The following DNAH17 variants were observed in gnomAD, a reference collection of about 807,000 sequenced individuals.
DNAH17 encodes the protein axonemal beta dynein heavy chain 17.
DNAH17 carries 376 observed loss-of-function variants against 485.6 expected under a neutral mutation model. The ratio of observed to expected loss-of-function variants is 0.77; its 90% CI spans 0.71 to 0.84. The LOEUF is 0.84. DNAH17 is among the 40% of genes least tolerant of loss of function. The pLI, the probability that DNAH17 is intolerant of heterozygous loss-of-function variation, is 0.00. For missense variants in DNAH17, 6,370 were observed against 5,839.3 expected (o/e 1.09, Z -2.96); for synonymous variants, 3,031 against 2,405.9 (o/e 1.26, Z -7.60).
rs1325202317 is a variant in DNAH17 at position 78,461,616 on chromosome 17, G to A, written c.9267C>T (p.Ile3089=). The A allele has an allele frequency of 5.6e-6, 9 of 1,609,198 alleles. No individual in the cohort carries two copies. The highest frequency in any genetic ancestry group is 1.1e-5 in the South Asian group (1 of 90,236). ...TCTCTTTGCTGACCTTCTCGGCCTC[G>A]ATGCCGACCACCTGGATCAGTTGGT... ...SADQLIQVVG[I]EAEKVSKEKA... The change falls in exon 58 of 81, where the codon ATC becomes ATT. Residue 3089 remains isoleucine, a synonymous_variant. Transcript: ENST00000389840.
chr17:78,493,274 G>A (rs1362362624), intron 41 of DNAH17: 5 of 159,230 alleles, frequency 3.1e-5, no homozygotes, highest in African/African-American at 1.2e-4. Flanking sequence ...GTGATGGGAA[G>A]CTAACTGTTC....
intron 44 of DNAH17, among the ~76,000 whole-genome samples, chr17:78,489,007 G>GT (rs2089733943): frequency 6.6e-6 from 1 of 152,166 alleles, no homozygotes; most frequent in Admixed American, 6.5e-5. Context: ...ATAAATGTCT[G>GT]TTGTTTGAAG....
chr17:78,431,847 T>C (rs2086686814), intron 75 of DNAH17, among the ~76,000 whole-genome samples: 1 of 152,068 alleles, frequency 6.6e-6, no homozygotes, highest in Non-Finnish European at 1.5e-5. Context: ...CCAGCGTGTG[T>C]CAATGGGCAA....
chr17:78,531,789 C>T (rs930391129), intron 20 of DNAH17, among the ~76,000 whole-genome samples: 2 of 152,180 alleles, frequency 1.3e-5, no homozygotes, highest in Non-Finnish European at 2.9e-5. Flanking sequence ...TTGGGGTTAC[C>T]TTCATCCATT....
Position 78,532,574 on chromosome 17 carries a change from A to T in DNAH17, c.3022T>A (p.Tyr1008Asn), listed in dbSNP as rs373410303. 3 of 1,609,488 alleles carry T rather than the reference A, an allele frequency of 1.9e-6. No individual in the cohort carries two copies. The African/African-American group carries it at 4.0e-5, about 22-fold the overall frequency. ...TCCTCCGCAGTGACTGCACACCCATATATCAGGAAATTCTTCATAAACTCC... is the reference window on the plus strand; with the variant it reads ...TCCTCCGCAGTGACTGCACACCCATTTATCAGGAAATTCTTCATAAACTCC... ...LQEFMKNFLI[Y>N]GCAVTAEDLD... is the part of the protein sequence containing the mutation. The change falls in exon 20 of 81, where the codon TAT (tyrosine) becomes AAT (asparagine). Residue 1008 changes from tyrosine (Y) to asparagine (N), a missense_variant. Transcript: ENST00000389840.
At chr17:78,505,569 A>T (rs2090460011) in intron 30 of DNAH17, 124 bp from the exon 31 acceptor site, 1 of 1,236,286 alleles carries the variant, frequency 8.1e-7, no homozygotes, top group Admixed American at 2.1e-5. Context: ...ATCTTTGATC[A>T]ACGTTGACTA....
intron 48 of DNAH17, among the ~76,000 whole-genome samples, chr17:78,482,806 G>A (rs2089409650): frequency 1.3e-5 from 2 of 152,162 alleles, no homozygotes; most frequent in Admixed American, 1.3e-4. Flanking sequence ...AGGATCTTTT[G>A]AAAACTCAAA....
chr17:78,428,244 A>T (rs1047733826), intron 77 of DNAH17: 2 of 480,554 alleles, frequency 4.2e-6, no homozygotes, highest in African/African-American at 3.9e-5. Flanking sequence ...GGAAGACTGC[A>T]GGGTGGAGGG....
chr17:78,430,833 C>A (rs1420811166), intron 75 of DNAH17, among the ~76,000 whole-genome samples: 1 of 152,040 alleles, frequency 6.6e-6, no homozygotes, highest in Non-Finnish European at 1.5e-5. Context: ...CTGCCTGCCT[C>A]AGCCTCCCAA....
At chr17:78,469,759 T>A (rs2088657999) in intron 54 of DNAH17, among the ~76,000 whole-genome samples, 1 of 152,246 alleles carries the variant, frequency 6.6e-6, no homozygotes, top group Non-Finnish European at 1.5e-5. Flanking sequence ...GAGGAAATTC[T>A]GACACGTGCT....
chr17:78,500,268 A>C lies in DNAH17; in HGVS notation c.5640+37T>G, dbSNP rs35901117. On this transcript the variant is annotated intron_variant, in intron 36 of 80. Coordinates refer to ENST00000389840, the MANE Select transcript of DNAH17 (RefSeq NM_173628.4). Reference sequence around the variant, plus strand: ...TGCTAGGATCTGCTTCTATAAAAGAAGACTCTGGGTCCCTCCTCCGGACCC... The same window carrying C: ...TGCTAGGATCTGCTTCTATAAAAGACGACTCTGGGTCCCTCCTCCGGACCC... 0.38 allele frequency: 597,141 copies of C among 1,571,728 alleles called. 116,986 individuals are homozygous for C. The highest frequency in any genetic ancestry group is 0.7 in the East Asian group (30,030 of 42,792).
chr17:78,563,720 C>G (rs11652895), intron 11 of DNAH17, among the ~76,000 whole-genome samples: 1 of 151,862 alleles, frequency 6.6e-6, no homozygotes, highest in Non-Finnish European at 1.5e-5. Flanking sequence ...TGGCTGTGTG[C>G]GAGTTGCTGA....
intron 2 of DNAH17, among the ~76,000 whole-genome samples, chr17:78,573,853 C>T (rs1290745668): frequency 6.6e-6 from 1 of 152,042 alleles, no homozygotes; most frequent in Admixed American, 6.6e-5. Context: ...GCACACAGGC[C>T]CCTGTACTGC....
Position 78,492,874 on chromosome 17 carries a change from G to A in DNAH17, c.6409-109C>T, listed in dbSNP as rs555251273. ...TGGATGGTTTTTTTTTTTTTGAGAT[G>A]GAGTTTCACTCTTGTCACCGAGGCT... On this transcript the variant is annotated intron_variant, in intron 41 of 80. Transcript: ENST00000389840. 3 of 714,884 alleles carry A rather than the reference G, an allele frequency of 4.2e-6. No homozygotes were observed. The African/African-American group carries it at 2.0e-4, about 46-fold the overall frequency. The allele number at this position is 714,884 out of a possible 1,614,324, so 44.3% of individuals were successfully genotyped here.
In DNAH17 at chr17:78,557,970, A is replaced by T. The variant is rs2092063819; in HGVS notation, c.2178+138T>A. The T allele has an allele frequency of 2.8e-6, 3 of 1,062,098 alleles. No homozygotes were observed. In the South Asian group the frequency reaches 5.1e-5, roughly 18 times the overall value. 65.8% of individuals were successfully genotyped at this position (1,062,098 alleles called of 1,614,324 possible). On this transcript the variant is annotated intron_variant, in intron 14 of 80. Coordinates refer to ENST00000389840, the MANE Select transcript of DNAH17 (RefSeq NM_173628.4). ...CATAGCAGGTACTCAGTAAGTATGCAGTGAATGGAAGAATGAATTTGAGTG... is the reference window on the plus strand; with the variant it reads ...CATAGCAGGTACTCAGTAAGTATGCTGTGAATGGAAGAATGAATTTGAGTG...
chr17:78,543,935 C>G lies in DNAH17; in HGVS notation c.2454G>C (p.Leu818Phe), dbSNP rs759382356. 1.2e-6 allele frequency: 2 copies of G among 1,614,040 alleles called. No individual in the cohort carries two copies. Among genetic ancestry groups the G allele is most frequent in the Non-Finnish European group, 1.7e-6 (2 of 1,179,894 alleles). ...TGTTGAGGTTGGCAATTCTTCCATC[C>G]AAGTCTAACAGGGCCTCTTTCTTAT... ...KDNKKEALLDLDGRIANLNKR... is the reference protein window; with the variant it reads ...KDNKKEALLDFDGRIANLNKR... Residue 818 changes from leucine to phenylalanine, a missense_variant, in exon 17 of 81, where the codon TTG (leucine) becomes TTC (phenylalanine). Leu to Phe is a conservative substitution (Grantham distance 22, BLOSUM62 0). Transcript: ENST00000389840.
At chr17:78,449,921 C>T in intron 68 of DNAH17, 1 of 437,286 alleles carries the variant, frequency 2.3e-6, no homozygotes, top group Non-Finnish European at 4.2e-6. Context: ...GGTGATCCAC[C>T]CGCCTCGGCC....
At chr17:78,479,138 T>C (rs1278390075) in intron 50 of DNAH17, 22 bp from the exon 51 acceptor site, 42 of 1,610,482 alleles carry the variant, frequency 2.6e-5, no homozygotes, top group Non-Finnish European at 3.4e-5. Context: ...AAAGGACGTG[T>C]CAATTCTCAT....
chr17:78,478,737 TCATCACCATCAC>T (rs1214052586), intron 51 of DNAH17: 6 of 370,706 alleles, frequency 1.6e-5, no homozygotes, highest in Admixed American at 4.6e-5. Flanking sequence ...ATCACCACCA[TCATCACCATCAC>T]CACCATCACT....
Sources: gnomAD v4.1 joint callset for allele counts (sites outside exome capture counted in the v4.1 genomes callset) on GRCh38, gnomAD v4.1.1 for gene constraint, MANE v1.5 for transcripts, NCBI Gene and HGNC (gene_info 2026-07-23, HGNC 2026-07-21) for gene names.